Variants in VIPR2 observed in about 807,000 individuals in gnomAD.
VIPR2 encodes the protein vasoactive intestinal polypeptide receptor 2.
VIPR2 carries 48 observed loss-of-function variants against 58.0 expected under a neutral mutation model. The observed-to-expected ratio is 0.83, with a 90% confidence interval of 0.66 to 1.05. The LOEUF (loss-of-function observed/expected upper bound fraction) is 1.05. Ranked by LOEUF, VIPR2 falls within the 50% of genes least tolerant of loss-of-function variation. The pLI is 0.00. For missense variants in VIPR2, 534 were observed against 558.0 expected (o/e 0.96, Z 0.43); for synonymous variants, 243 against 235.2 (o/e 1.03, Z -0.30).
Position 159,097,053 on chromosome 7 carries a change from G to A in VIPR2, c.357+6704C>T. On this transcript the variant is annotated intron_variant, in intron 4 of 12. Coordinates refer to ENST00000262178, the MANE Select transcript of VIPR2 (RefSeq NM_003382.5). This position sits in a 1 kb window ranked among gnomAD's most constrained non-coding sequence, Gnocchi z 5.3. ...AGGCCGCTCTGGGGGTCTCTGGCAG[G>A]CTCCTCCTGGCACCCTGGGAGGCTG... is the stretch of plus-strand genomic sequence containing the variant. 1 of 1,547,836 alleles carries A rather than the reference G, an allele frequency of 6.5e-7. No individual in the cohort carries two copies. Among genetic ancestry groups the A allele is most frequent in the Non-Finnish European group, 8.7e-7 (1 of 1,145,152 alleles).
chr7:159,078,970 T>C (rs1856777929), intron 4 of VIPR2, among the ~76,000 whole-genome samples: 1 of 152,132 alleles, frequency 6.6e-6, no homozygotes, highest in Non-Finnish European at 1.5e-5. Context: ...ACTCAGCAAA[T>C]GGTCTCTGTG....
intron 4 of VIPR2, among the ~76,000 whole-genome samples, chr7:159,101,351 T>C (rs2129495777): frequency 7.0e-6 from 1 of 143,516 alleles, no homozygotes; most frequent in Non-Finnish European, 1.5e-5. Context: ...GTTCCTGTGG[T>C]AGTGAACGGG....
In VIPR2 at chr7:159,142,509, C is replaced by T; in HGVS notation, c.88G>A (p.Glu30Lys). Reference sequence around the variant, plus strand: ...CATTTTGTTTCTTCCTCCTGTATTTCCAGATGAAATCGGCATTCTGGGTGA... The same window carrying T: ...CATTTTGTTTCTTCCTCCTGTATTTTCAGATGAAATCGGCATTCTGGGTGA... ...SIHPECRFHL[E>K]IQEEETKCAE... The change falls in exon 2 of 13, where the codon GAA (glutamate) becomes AAA (lysine). Residue 30 changes from glutamate (E) to lysine (K), a missense_variant. Glu to Lys is a moderately conservative substitution (Grantham distance 56). Around this residue, in one of 3 missense-constraint regions of VIPR2, gnomAD observed 224 missense variants for 255.7 expected, o/e 0.88. Coordinates refer to ENST00000262178, the MANE Select transcript of VIPR2 (RefSeq NM_003382.5). The T allele has an allele frequency of 6.2e-7, 1 of 1,613,866 alleles. No homozygotes were observed. The highest frequency in any genetic ancestry group is 8.5e-7 in the Non-Finnish European group (1 of 1,179,948).
intron 4 of VIPR2, among the ~76,000 whole-genome samples, chr7:159,082,427 G>A (rs1856953783): frequency 6.6e-6 from 1 of 152,084 alleles, no homozygotes; most frequent in Non-Finnish European, 1.5e-5. Context: ...AGAACACATG[G>A]ACACAGGAAG....
intron 5 of VIPR2, among the ~76,000 whole-genome samples, chr7:159,047,731 C>T (rs1480899486): frequency 1.3e-5 from 2 of 152,154 alleles, no homozygotes; most frequent in Admixed American, 6.5e-5. Context: ...TGCTTTGAAT[C>T]GCTGAGCGTT....
At chr7:159,144,209 G>GT in intron 1 of VIPR2, 1 of 1,251,532 alleles carries the variant, frequency 8.0e-7, no homozygotes, top group Non-Finnish European at 1.0e-6. Flanking sequence ...TGAGCAGTTA[G>GT]TTCCTCCAGT....
At position 159,043,073 on chromosome 7, in the gene VIPR2, A is replaced by T. The variant is rs745573017; in HGVS notation, c.559T>A (p.Ser187Thr). Residue 187 changes from serine (S) to threonine (T), a missense_variant, in exon 6 of 13, where the codon TCT becomes ACT. Physicochemically the swap from Ser to Thr is moderately conservative, Grantham distance 58 (BLOSUM62 1). Transcript: ENST00000262178. ...TGGTCAGGGCAGTGCAACGTGCCAG[A>T]GCTGGAGTAGAGAACGTCGTCCTTG... The part of the protein sequence containing the change: ...LVKDDVLYSS[S>T]GTLHCPDQPS... 136 of 1,614,078 alleles carry T rather than the reference A, an allele frequency of 8.4e-5. 1 individual carries two copies. The highest frequency in any genetic ancestry group is 1.0e-5 in the Non-Finnish European group (12 of 1,180,044).
Position 159,128,376 on chromosome 7 carries a change from G to C in VIPR2, c.151+14070C>G, listed in dbSNP as rs974398665. 6.6e-6 allele frequency among the ~76,000 whole-genome samples: 1 copy of C among 152,156 alleles called. No individual in the cohort carries two copies. Among genetic ancestry groups the C allele is most frequent in the South Asian group, 2.1e-4 (1 of 4,824 alleles). On this transcript the variant is annotated intron_variant, in intron 2 of 12. Transcript: ENST00000262178. The surrounding 1 kb of genome is among the most constrained non-coding windows in gnomAD (Gnocchi z 4.1). ...GGTCTCCTTGTGCCCCCAGGTGCCT[G>C]CTGGCACCAGGACACACCTTATGCC...
intron 10 of VIPR2, among the ~76,000 whole-genome samples, chr7:159,033,891 G>C (rs1226078607): frequency 6.6e-6 from 1 of 152,268 alleles, no homozygotes; most frequent in East Asian, 1.9e-4. Context: ...TAAAAGAAAT[G>C]GTGCCTGACT....
chr7:159,065,752 G>A (rs1379793116), intron 4 of VIPR2, among the ~76,000 whole-genome samples: 1 of 152,188 alleles, frequency 6.6e-6, no homozygotes, highest in Non-Finnish European at 1.5e-5. Context: ...TGCTCCTCCG[G>A]TCTCAGAAAC....
intron 4 of VIPR2, among the ~76,000 whole-genome samples, chr7:159,101,389 G>A (rs111403857): frequency 3.1e-5 from 4 of 127,718 alleles, no homozygotes; most frequent in African/African-American, 9.2e-5. Flanking sequence ...AGGCGGTTCC[G>A]ACCGTTCCTG....
chr7:159,101,821 G>A (rs1396981545), intron 4 of VIPR2, among the ~76,000 whole-genome samples: 3 of 134,852 alleles, frequency 2.2e-5, no homozygotes, highest in Non-Finnish European at 3.1e-5. Flanking sequence ...TCCCCCGACC[G>A]TTCCTGTGGT....
chr7:159,099,970 C>A lies in VIPR2; in HGVS notation c.357+3787G>T, dbSNP rs1352222591. 6.6e-6 allele frequency among the ~76,000 whole-genome samples: 1 copy of A among 152,160 alleles called. No individual in the cohort carries two copies. The highest frequency in any genetic ancestry group is 2.4e-5 in the African/African-American group (1 of 41,438). On this transcript the variant is annotated intron_variant, in intron 4 of 12. Transcript: ENST00000262178. This position sits in a 1 kb window ranked among gnomAD's most constrained non-coding sequence, Gnocchi z 4.2. The stretch of plus-strand genomic sequence containing the variant: ...TGCGCCCCAGGATCCTCCCTGAGGA[C>A]CTTCCTCAAGGGCTCACAGCCATGC...
At chr7:159,117,149 C>G in intron 2 of VIPR2, 1 of 611,020 alleles carries the variant, frequency 1.6e-6, no homozygotes, top group East Asian at 2.8e-5. Context: ...ACTCTGACCA[C>G]AGGACGGAGT....
chr7:159,091,259 G>A (rs12674049), intron 4 of VIPR2, among the ~76,000 whole-genome samples: 12,336 of 152,320 alleles, frequency 0.081, 534 homozygotes, highest in Middle Eastern at 0.11. Flanking sequence ...GAAGATAAGC[G>A]CTGATGTCTC....
In VIPR2 at chr7:159,036,861, G is replaced by A; in HGVS notation, c.639C>T (p.Ile213=). Residue 213 remains isoleucine, a synonymous_variant, in exon 7 of 13, where the codon ATC becomes ATT. Coordinates refer to ENST00000262178, the MANE Select transcript of VIPR2 (RefSeq NM_003382.5). ...KLSLVFLQYC[I]MANFFWLLVE... ...CCAGCAGCCAGAAGAAGTTGGCCAT[G>A]ATGCAGTACTGCAGGAAGACCAGGC... is the stretch of plus-strand genomic sequence containing the variant. 6.2e-7 allele frequency: 1 copy of A among 1,614,014 alleles called. No homozygotes were observed. The highest frequency in any genetic ancestry group is 1.1e-5 in the South Asian group (1 of 91,074).
intron 6 of VIPR2, 58 bp from the exon 7 acceptor site, chr7:159,036,960 C>T (rs1332804125): frequency 6.4e-7 from 1 of 1,569,872 alleles, no homozygotes; most frequent in Non-Finnish European, 8.7e-7. Context: ...CAGCAGCTAC[C>T]AGCAGGCAGT....
chr7:159,050,826 T>A (rs997520887), intron 5 of VIPR2, among the ~76,000 whole-genome samples: 1 of 152,092 alleles, frequency 6.6e-6, no homozygotes, highest in African/African-American at 2.4e-5. Context: ...CCACCTTAAG[T>A]CCTATGAGAG....
At chr7:159,132,474 T>C (rs552368919) in intron 2 of VIPR2, among the ~76,000 whole-genome samples, 2 of 152,064 alleles carry the variant, frequency 1.3e-5, no homozygotes, top group East Asian at 3.9e-4. Context: ...GTCGGAGGCC[T>C]CAGGTAAGAA....
Sources: gnomAD v4.1 joint callset for allele counts (sites outside exome capture counted in the v4.1 genomes callset) on GRCh38, gnomAD v4.1.1 for gene constraint, gnomAD v4.1.1 regional missense constraint, Gnocchi (gnomAD v3.1) non-coding constraint, MANE v1.5 for transcripts, NCBI Gene and HGNC (gene_info 2026-07-23, HGNC 2026-07-21) for gene names.